Variants in FCHSD2 observed in about 807,000 individuals in gnomAD.
FCHSD2 encodes the protein FCH and double SH3 domains 2.
Under a neutral mutation model 108.1 loss-of-function variants are expected in FCHSD2, and 38 were observed. The observed-to-expected ratio is 0.35, with a 90% CI of 0.27 to 0.46. The LOEUF (loss-of-function observed/expected upper bound fraction) is 0.46, where lower values mean the gene tolerates loss of function less well. Ranked by LOEUF, FCHSD2 falls within the 20% of genes least tolerant of loss-of-function variation. FCHSD2 has a pLI of 1.00. For missense variants in FCHSD2, 751 were observed against 897.8 expected (o/e 0.84, Z 2.09); for synonymous variants, 279 against 314.7 (o/e 0.89, Z 1.20).
At chr11:73,018,233 T>C (rs1858017160) in intron 3 of FCHSD2, among the ~76,000 whole-genome samples, 1 of 152,216 alleles carries the variant, frequency 6.6e-6, no homozygotes, top group East Asian at 1.9e-4. Context: ...CTGTTATTGT[T>C]GTTTTACAGT....
At chr11:73,004,397 T>A (rs1029428856) in intron 4 of FCHSD2, among the ~76,000 whole-genome samples, 15 of 152,120 alleles carry the variant, frequency 9.9e-5, no homozygotes, top group African/African-American at 3.6e-4. Flanking sequence ...CATCCCAAGT[T>A]CAATCTTCTG....
At chr11:73,126,339 TAAAAAAAAAAA>T (rs61586562) in intron 2 of FCHSD2, among the ~76,000 whole-genome samples, 60 of 27,658 alleles carry the variant, frequency 2.2e-3, no homozygotes, top group Admixed American at 0.011. Flanking sequence ...GATTCCATCT[TAAAAAAAAAAA>T]AAAAAAAAAA....
At chr11:72,920,557 T>A (rs1855958895) in intron 9 of FCHSD2, among the ~76,000 whole-genome samples, 1 of 152,208 alleles carries the variant, frequency 6.6e-6, no homozygotes, top group Non-Finnish European at 1.5e-5. Context: ...CTGATCAACA[T>A]GTTGAAACCT....
chr11:72,895,124 G>C (rs1484921214), intron 10 of FCHSD2, among the ~76,000 whole-genome samples: 1 of 152,168 alleles, frequency 6.6e-6, no homozygotes, highest in African/African-American at 2.4e-5. Flanking sequence ...CCTTCACTTG[G>C]AAAGAAGTGG....
At chr11:72,878,425 C>T (rs1028539359) in intron 12 of FCHSD2, among the ~76,000 whole-genome samples, 1 of 152,190 alleles carries the variant, frequency 6.6e-6, no homozygotes, top group Non-Finnish European at 1.5e-5. Context: ...GAACAATAAG[C>T]ACCTTCACAG....
At chr11:72,889,037 C>T (rs1565307518) in intron 11 of FCHSD2, among the ~76,000 whole-genome samples, 1 of 152,210 alleles carries the variant, frequency 6.6e-6, no homozygotes. Context: ...TCACTGCAAG[C>T]TCCGCCTCCC....
intron 3 of FCHSD2, among the ~76,000 whole-genome samples, chr11:73,051,909 ACACACACC>A (rs770863529): frequency 3.1e-5 from 4 of 129,030 alleles, no homozygotes; most frequent in Non-Finnish European, 6.7e-5. Context: ...ACACACACAC[ACACACACC>A]CCACACACAC....
Position 72,989,066 on chromosome 11 carries a change from T to G in FCHSD2, c.419A>C (p.Glu140Ala), listed in dbSNP as rs775616333. The change falls in exon 6 of 20, where the codon GAA becomes GCA. Residue 140 changes from glutamate to alanine, a missense_variant. Transcript: ENST00000409418. ...TAAATCTTTCACTGTCTCTTGTAAT[T>G]CAGTTTGGATCTTTGTCAACTGGTC... is the stretch of plus-strand genomic sequence containing the variant. ...CVDQLTKIQTELQETVKDLAK... is the reference protein window; with the variant it reads ...CVDQLTKIQTALQETVKDLAK... The G allele has an allele frequency of 5.0e-6, 8 of 1,609,122 alleles. No homozygotes were observed. The East Asian group carries it at 1.8e-4, about 36-fold the overall frequency.
At chr11:72,980,749 T>C (rs905300840) in intron 8 of FCHSD2, among the ~76,000 whole-genome samples, 2 of 150,876 alleles carry the variant, frequency 1.3e-5, no homozygotes, top group African/African-American at 4.9e-5. Flanking sequence ...TATGTGTGTG[T>C]ATATATATGT....
At position 72,870,839 on chromosome 11, in the gene FCHSD2, T is replaced by G. The variant is rs975582919; in HGVS notation, c.1147-2813A>C. Among the ~76,000 whole-genome samples, 3 of 129,706 alleles carry G rather than the reference T, an allele frequency of 2.3e-5. No individual in the cohort carries two copies. In the Admixed American group the frequency reaches 2.9e-4, roughly 13 times the overall value. 85.1% of individuals were successfully genotyped at this position (129,706 alleles called of 152,430 possible). A position where few individuals can be genotyped will look rare whatever the true frequency, so the allele number is the denominator to read the frequency against. Reference sequence around the variant, plus strand: ...GGCGTGAACCCAGGAGGCGGAGCTTTCAGTGAGCCGAGATTGCGCCACTGC... The same window carrying G: ...GGCGTGAACCCAGGAGGCGGAGCTTGCAGTGAGCCGAGATTGCGCCACTGC... On this transcript the variant is annotated intron_variant, in intron 12 of 19. Transcript: ENST00000409418.
At chr11:73,030,620 A>G (rs947921988) in intron 3 of FCHSD2, among the ~76,000 whole-genome samples, 2 of 152,210 alleles carry the variant, frequency 1.3e-5, no homozygotes, top group African/African-American at 4.8e-5. Flanking sequence ...AATCTATTTA[A>G]AAACCTCATT....
intron 8 of FCHSD2, among the ~76,000 whole-genome samples, chr11:72,951,608 A>G (rs1591429402): frequency 6.6e-6 from 1 of 151,906 alleles, no homozygotes; most frequent in East Asian, 1.9e-4. Flanking sequence ...TAAAAATCTC[A>G]CCCCTACACT....
chr11:73,017,060 G>C (rs1269154568), intron 3 of FCHSD2, among the ~76,000 whole-genome samples: 1 of 152,160 alleles, frequency 6.6e-6, no homozygotes, highest in Non-Finnish European at 1.5e-5. Flanking sequence ...ATGGCTCAAT[G>C]CAGCCTCAAC....
chr11:72,941,488 T>C (rs1371685934), intron 8 of FCHSD2, among the ~76,000 whole-genome samples: 1 of 151,940 alleles, frequency 6.6e-6, no homozygotes, highest in Admixed American at 6.6e-5. Context: ...TCTATTAATA[T>C]ATTACTTATT....
intron 4 of FCHSD2, among the ~76,000 whole-genome samples, chr11:73,005,969 A>C (rs1857732177): frequency 6.8e-6 from 1 of 147,688 alleles, no homozygotes; most frequent in Non-Finnish European, 1.5e-5. Context: ...AGTGCATGGC[A>C]TGATCACAGC....
At chr11:73,086,474 G>A (rs1859819791) in intron 2 of FCHSD2, among the ~76,000 whole-genome samples, 1 of 151,820 alleles carries the variant, frequency 6.6e-6, no homozygotes, top group East Asian at 1.9e-4. Flanking sequence ...TACAACTTAA[G>A]GAACTAGAAA....
At chr11:73,004,853 T>C (rs1591475801) in intron 4 of FCHSD2, among the ~76,000 whole-genome samples, 1 of 152,158 alleles carries the variant, frequency 6.6e-6, no homozygotes. Flanking sequence ...TACACAATTA[T>C]TTCCCAAGTT....
intron 3 of FCHSD2, among the ~76,000 whole-genome samples, chr11:73,050,778 C>G (rs1039639682): frequency 2.6e-5 from 4 of 152,152 alleles, no homozygotes; most frequent in Non-Finnish European, 4.4e-5. Context: ...ATCTCAAATA[C>G]AGCAAATGAA....
At chr11:72,929,845 C>T (rs572987103) in intron 8 of FCHSD2, among the ~76,000 whole-genome samples, 1 of 152,246 alleles carries the variant, frequency 6.6e-6, no homozygotes, top group Admixed American at 6.5e-5. Context: ...CCAAAAGACC[C>T]TTAATTCCTT....
Sources: allele counts gnomAD v4.1 joint callset (sites outside exome capture counted in the v4.1 genomes callset), GRCh38; gene constraint gnomAD v4.1.1; transcripts MANE v1.5; gene names NCBI Gene and HGNC (gene_info 2026-07-23, HGNC 2026-07-21).